MARCHF3: variants seen among roughly 807,000 people sequenced by gnomAD.
MARCHF3 encodes the protein E3 ubiquitin-protein ligase MARCHF3.
A neutral mutation model predicts 24.2 loss-of-function variants in MARCHF3; 13 were observed. The ratio of observed to expected loss-of-function variants is 0.54; its 90% CI spans 0.35 to 0.85. The LOEUF is 0.85. Among genes scored for constraint, MARCHF3 ranks in the 40% least tolerant of loss-of-function variants. MARCHF3 has a pLI of 0.01. For synonymous variants in MARCHF3, 144 were observed against 137.3 expected (o/e 1.05, Z -0.34); for missense variants, 276 against 325.0 (o/e 0.85, Z 1.16).
At chr5:126,973,319 G>A (rs989589195) in intron 1 of MARCHF3, among the ~76,000 whole-genome samples, 6 of 152,174 alleles carry the variant, frequency 3.9e-5, no homozygotes, top group Non-Finnish European at 7.3e-5. Context: ...CTGTGTCCAC[G>A]TTTGCATGCT....
At chr5:126,908,472 T>C (rs1354649151) in intron 3 of MARCHF3, among the ~76,000 whole-genome samples, 2 of 152,224 alleles carry the variant, frequency 1.3e-5, no homozygotes, top group Non-Finnish European at 2.9e-5. Context: ...CAGACATAGA[T>C]TTGGTCTTTT....
chr5:126,949,344 G>A (rs1750136296), intron 1 of MARCHF3, among the ~76,000 whole-genome samples: 1 of 152,136 alleles, frequency 6.6e-6, no homozygotes, highest in African/African-American at 2.4e-5. Context: ...CAAATGGCTG[G>A]TATATCTACA....
intron 1 of MARCHF3, among the ~76,000 whole-genome samples, chr5:126,934,486 G>C (rs551577864): frequency 6.7e-6 from 1 of 149,656 alleles, no homozygotes; most frequent in South Asian, 2.1e-4. Context: ...TACCAGACTT[G>C]AAATCAGGCA....
chr5:126,972,984 T>C (rs1231762361), intron 1 of MARCHF3, among the ~76,000 whole-genome samples: 10 of 152,254 alleles, frequency 6.6e-5, no homozygotes, highest in Non-Finnish European at 7.3e-5. Context: ...GTTTAAAATA[T>C]TCTTTCTCTT....
At chr5:127,019,961 T>C (rs1752741829) in intron 1 of MARCHF3, among the ~76,000 whole-genome samples, 1 of 152,186 alleles carries the variant, frequency 6.6e-6, no homozygotes, top group Non-Finnish European at 1.5e-5. Context: ...AATCCTGGGA[T>C]AGGAGATGAG....
At chr5:126,908,210 C>T (rs1256869911) in intron 3 of MARCHF3, among the ~76,000 whole-genome samples, 3 of 152,204 alleles carry the variant, frequency 2.0e-5, no homozygotes, top group Non-Finnish European at 4.4e-5. Context: ...TAATGGGCTT[C>T]TCTTTGAGGG....
At chr5:126,991,140 A>G (rs1044220873) in intron 1 of MARCHF3, among the ~76,000 whole-genome samples, 12 of 152,240 alleles carry the variant, frequency 7.9e-5, no homozygotes, top group African/African-American at 2.7e-4. Context: ...AAAGACTTGG[A>G]ACCAACCCAA....
At chr5:126,986,613 T>C (rs1410631657) in intron 1 of MARCHF3, among the ~76,000 whole-genome samples, 1 of 152,178 alleles carries the variant, frequency 6.6e-6, no homozygotes, top group Admixed American at 6.5e-5. Context: ...TCTAAATAAG[T>C]ACAATGAGAT....
chr5:126,945,339 C>T (rs1749973381), intron 1 of MARCHF3, among the ~76,000 whole-genome samples: 1 of 152,208 alleles, frequency 6.6e-6, no homozygotes, highest in South Asian at 2.1e-4. Context: ...CAATTTGTCA[C>T]AGGTGCTAGG....
intron 3 of MARCHF3, among the ~76,000 whole-genome samples, chr5:126,902,736 T>G (rs538688290): frequency 3.3e-5 from 5 of 152,238 alleles, no homozygotes; most frequent in Admixed American, 1.3e-4. Context: ...GTATTTAAGC[T>G]TTAAGTAACA....
chr5:126,933,483 C>T (rs1371150732), intron 1 of MARCHF3, among the ~76,000 whole-genome samples: 2 of 147,428 alleles, frequency 1.4e-5, no homozygotes, highest in South Asian at 2.1e-4. Flanking sequence ...CTCGCTGTGT[C>T]GCCCAGGCTG....
At chr5:126,944,410 C>T (rs2126811476) in intron 1 of MARCHF3, among the ~76,000 whole-genome samples, 1 of 152,122 alleles carries the variant, frequency 6.6e-6, no homozygotes, top group African/African-American at 2.4e-5. Context: ...TCAGCCTGAG[C>T]AACATGGCAA....
intron 3 of MARCHF3, among the ~76,000 whole-genome samples, chr5:126,897,332 C>T (rs946613875): frequency 6.6e-6 from 1 of 151,890 alleles, no homozygotes; most frequent in African/African-American, 2.4e-5. Context: ...AGCCACCGCC[C>T]CTGGCCAAGA....
chr5:126,907,455 G>A (rs752083215), intron 3 of MARCHF3, among the ~76,000 whole-genome samples: 8,337 of 148,254 alleles, frequency 0.056, 431 homozygotes, highest in African/African-American at 0.14. Context: ...GGGAGTCTAA[G>A]TCTCTTTGTA....
At chr5:126,900,695 CTTCT>C (rs1268575185) in intron 3 of MARCHF3, among the ~76,000 whole-genome samples, 4 of 150,924 alleles carry the variant, frequency 2.7e-5, no homozygotes, top group Non-Finnish European at 4.4e-5. Flanking sequence ...GACCTGGATT[CTTCT>C]TTAATTTTTT....
chr5:127,018,998 T>C (rs1393166963), intron 1 of MARCHF3, among the ~76,000 whole-genome samples: 1 of 152,236 alleles, frequency 6.6e-6, no homozygotes, highest in Non-Finnish European at 1.5e-5. Flanking sequence ...TATATTCAAA[T>C]AGCCTATACT....
At chr5:126,945,874 T>C (rs1011074114) in intron 1 of MARCHF3, among the ~76,000 whole-genome samples, 1 of 152,186 alleles carries the variant, frequency 6.6e-6, no homozygotes, top group African/African-American at 2.4e-5. Context: ...GCACAATGTT[T>C]GGCTCATCAG....
chr5:126,935,830 C>G (rs148803888), intron 1 of MARCHF3, among the ~76,000 whole-genome samples: 1 of 151,796 alleles, frequency 6.6e-6, no homozygotes, highest in African/African-American at 2.4e-5. Context: ...AGGCTAGTCT[C>G]GAATTCCTGA....
intron 1 of MARCHF3, among the ~76,000 whole-genome samples, chr5:126,980,991 C>A (rs1162010134): frequency 6.6e-6 from 1 of 152,222 alleles, no homozygotes; most frequent in Non-Finnish European, 1.5e-5. Context: ...GTATACCTTC[C>A]TTAAGCCACC....
Sources: gnomAD v4.1 joint callset for allele counts (sites outside exome capture counted in the v4.1 genomes callset) on GRCh38, gnomAD v4.1.1 for gene constraint, MANE v1.5 for transcripts, NCBI Gene and HGNC (gene_info 2026-07-23, HGNC 2026-07-21) for gene names.